The following RGS7BP variants were observed in gnomAD, a reference collection of about 807,000 sequenced individuals.
The protein encoded by RGS7BP is regulator of G protein signaling 7-binding protein.
Under a neutral mutation model 31.3 loss-of-function variants are expected in RGS7BP, and 9 were observed. The observed-to-expected ratio is 0.29, with a 90% CI of 0.17 to 0.50. RGS7BP has a LOEUF of 0.50. Ranked by LOEUF, RGS7BP falls within the 20% of genes least tolerant of loss-of-function variation. RGS7BP has a pLI of 0.98. For missense variants in RGS7BP, 274 were observed against 322.0 expected (o/e 0.85, Z 1.14); for synonymous variants, 115 against 120.1 (o/e 0.96, Z 0.28).
chr5:64,547,761 T>G (rs1051258173), intron 2 of RGS7BP, among the ~76,000 whole-genome samples: 1 of 152,204 alleles, frequency 6.6e-6, no homozygotes, highest in African/African-American at 2.4e-5. Flanking sequence ...TTCTCATTGA[T>G]GCATCTATTC....
intron 2 of RGS7BP, among the ~76,000 whole-genome samples, chr5:64,545,422 A>C (rs1317393137): frequency 6.6e-6 from 1 of 152,222 alleles, no homozygotes; most frequent in Admixed American, 6.5e-5. Flanking sequence ...TAATTAAAAA[A>C]AAAAAGAGTC....
intron 2 of RGS7BP, among the ~76,000 whole-genome samples, chr5:64,546,464 C>T (rs758303048): frequency 6.6e-6 from 1 of 152,102 alleles, no homozygotes; most frequent in African/African-American, 2.4e-5. Context: ...ATGCTCCCAA[C>T]AGGTGATAAA....
chr5:64,525,603 C>T (rs2111909939), intron 2 of RGS7BP, among the ~76,000 whole-genome samples: 1 of 152,298 alleles, frequency 6.6e-6, no homozygotes, highest in South Asian at 2.1e-4. Context: ...GAATTATTAT[C>T]CCTGTTTTAC....
At position 64,506,524 on chromosome 5, in the gene RGS7BP, T is replaced by G; in HGVS notation, c.-101T>G. ...AGCACTGTGAGCTGCGCGCCTCAGGTCCGGGCTCCGGCTGCTTGGCGGCGG... is the reference window on the plus strand; with the variant it reads ...AGCACTGTGAGCTGCGCGCCTCAGGGCCGGGCTCCGGCTGCTTGGCGGCGG... On this transcript the variant is annotated 5_prime_UTR_variant, in exon 1 of 6. Coordinates refer to ENST00000334025, the MANE Select transcript of RGS7BP (RefSeq NM_001029875.3). The surrounding 1 kb of genome is among the most constrained non-coding windows in gnomAD (Gnocchi z 4.6). 1 of 1,077,322 alleles carries G rather than the reference T, an allele frequency of 9.3e-7. No individual in the cohort carries two copies. Among genetic ancestry groups the G allele is most frequent in the Non-Finnish European group, 1.3e-6 (1 of 752,710 alleles). 66.7% of individuals were successfully genotyped at this position (1,077,322 alleles called of 1,614,324 possible). A position where few individuals can be genotyped will look rare whatever the true frequency, so the allele number is the denominator to read the frequency against.
In RGS7BP at chr5:64,513,957, T is replaced by G. The variant is rs1357250395; in HGVS notation, c.332+6080T>G. On this transcript the variant is annotated intron_variant, in intron 2 of 5. Transcript: ENST00000334025. Reference sequence around the variant, plus strand: ...AACGGAGTGGCTTAAACAAAATAAATTTATTGTCTCACAGTTCTGGAGGCT... The same window carrying G: ...AACGGAGTGGCTTAAACAAAATAAAGTTATTGTCTCACAGTTCTGGAGGCT... 2.6e-5 allele frequency among the ~76,000 whole-genome samples: 4 copies of G among 152,152 alleles called. No homozygotes were observed. In the East Asian group the frequency reaches 7.7e-4, roughly 29 times the overall value.
intron 2 of RGS7BP, among the ~76,000 whole-genome samples, chr5:64,572,786 A>G (rs149533511): frequency 6.6e-6 from 1 of 151,068 alleles, no homozygotes; most frequent in African/African-American, 2.4e-5. Flanking sequence ...AGGCATTTTA[A>G]TCTGTTTTGA....
intron 2 of RGS7BP, among the ~76,000 whole-genome samples, chr5:64,538,523 C>CTTTTT (rs1164822329): frequency 7.3e-5 from 2 of 27,480 alleles, no homozygotes; most frequent in African/African-American, 3.7e-4. Context: ...TTTTCCTTTT[C>CTTTTT]TTTTCTTTTT....
At chr5:64,544,038 G>A (rs777952509) in intron 2 of RGS7BP, among the ~76,000 whole-genome samples, 1 of 152,208 alleles carries the variant, frequency 6.6e-6, no homozygotes, top group Non-Finnish European at 1.5e-5. Flanking sequence ...ACCGATCTCT[G>A]TTAATAGCAG....
intron 2 of RGS7BP, among the ~76,000 whole-genome samples, chr5:64,553,102 C>A (rs2111840750): frequency 6.6e-6 from 1 of 151,170 alleles, no homozygotes; most frequent in Middle Eastern, 3.4e-3. Context: ...ATTTTTGGAG[C>A]TTTATAGTTA....
chr5:64,545,550 G>A lies in RGS7BP; in HGVS notation c.333-30224G>A, dbSNP rs1741639882. 2.0e-5 allele frequency among the ~76,000 whole-genome samples: 3 copies of A among 152,182 alleles called. No individual in the cohort carries two copies. The South Asian group carries it at 6.2e-4, about 32-fold the overall frequency. On this transcript the variant is annotated intron_variant, in intron 2 of 5. Transcript: ENST00000334025. ...CTATACTGTAGAGAATAAGTGAAAA[G>A]GGGGCAAAACTTAGGAGGATGCCTG...
At chr5:64,550,643 A>G (rs916012917) in intron 2 of RGS7BP, among the ~76,000 whole-genome samples, 10 of 151,870 alleles carry the variant, frequency 6.6e-5, no homozygotes, top group African/African-American at 2.2e-4. Flanking sequence ...GGTTTGTTAC[A>G]TATGTATACA....
intron 2 of RGS7BP, among the ~76,000 whole-genome samples, chr5:64,534,922 G>A (rs1749466907): frequency 6.6e-6 from 1 of 152,146 alleles, no homozygotes; most frequent in Non-Finnish European, 1.5e-5. Context: ...TTAAAACCTA[G>A]GAAGAAAAGG....
At chr5:64,600,076 G>A (rs766948419) in intron 5 of RGS7BP, among the ~76,000 whole-genome samples, 1 of 152,176 alleles carries the variant, frequency 6.6e-6, no homozygotes, top group Non-Finnish European at 1.5e-5. Flanking sequence ...AACAGACCAC[G>A]TGTAGTGTAT....
intron 2 of RGS7BP, among the ~76,000 whole-genome samples, chr5:64,554,573 T>C (rs1320717884): frequency 1.3e-5 from 2 of 152,206 alleles, no homozygotes; most frequent in Admixed American, 1.3e-4. Flanking sequence ...CTAAGAATCA[T>C]GACTATGCTG....
At chr5:64,553,243 G>A (rs1020486436) in intron 2 of RGS7BP, among the ~76,000 whole-genome samples, 1 of 145,126 alleles carries the variant, frequency 6.9e-6, no homozygotes, top group East Asian at 2.0e-4. Flanking sequence ...CATGATCTTG[G>A]CTCACTGCAA....
At chr5:64,579,612 C>T (rs1032492202) in intron 3 of RGS7BP, among the ~76,000 whole-genome samples, 3 of 148,138 alleles carry the variant, frequency 2.0e-5, no homozygotes, top group African/African-American at 7.5e-5. Flanking sequence ...AGATAAGCCA[C>T]TAGCAGTAAG....
rs550897487 is a variant in RGS7BP, at chr5:64,538,882, CA to C, written c.332+31006del. On this transcript the variant is annotated intron_variant, in intron 2 of 5. Coordinates refer to ENST00000334025, the MANE Select transcript of RGS7BP (RefSeq NM_001029875.3). ...TCTAGCTTCTTCCACTAGCCTAATT[CA>C]TTTGAGATTCCACTCGATTCTACTT... Among the ~76,000 whole-genome samples, 74 of 152,204 alleles carry C rather than the reference CA, an allele frequency of 4.9e-4. 1 individual carries two copies. Among genetic ancestry groups the C allele is most frequent in the Admixed American group, 2.6e-3 (40 of 15,290 alleles).
intron 5 of RGS7BP, among the ~76,000 whole-genome samples, chr5:64,605,606 G>C (rs1002707605): frequency 6.6e-6 from 1 of 151,992 alleles, no homozygotes; most frequent in South Asian, 2.1e-4. Flanking sequence ...AGCTCCCTAT[G>C]GTGTAGAAAG....
intron 2 of RGS7BP, among the ~76,000 whole-genome samples, chr5:64,558,560 A>G (rs190725561): frequency 6.1e-4 from 93 of 152,268 alleles, no homozygotes; most frequent in African/African-American, 2.2e-3. Flanking sequence ...TAACTGCACA[A>G]ATTTTTCGTA....
Sources: gnomAD v4.1 joint callset for allele counts (sites outside exome capture counted in the v4.1 genomes callset) on GRCh38, gnomAD v4.1.1 for gene constraint, Gnocchi (gnomAD v3.1) non-coding constraint, MANE v1.5 for transcripts, NCBI Gene and HGNC (gene_info 2026-07-23, HGNC 2026-07-21) for gene names.